The following ROBO2 variants were observed in gnomAD, a reference collection of about 807,000 sequenced individuals.
The protein encoded by ROBO2 is roundabout homolog 2.
Under a neutral mutation model 160.8 loss-of-function variants are expected in ROBO2, and 53 were observed. The ratio of observed to expected loss-of-function variants is 0.33; its 90% CI spans 0.26 to 0.41. ROBO2 has a LOEUF of 0.41. Among genes scored for constraint, ROBO2 ranks in the 10% least tolerant of loss-of-function variants. The pLI is 1.00. For synonymous variants in ROBO2, 664 were observed against 611.7 expected (o/e 1.09, Z -1.26); for missense variants, 1,577 against 1,722.4 (o/e 0.92, Z 1.49).
At chr3:76,246,111 T>A (rs185530445) in intron 2 of ROBO2, among the ~76,000 whole-genome samples, 4,844 of 152,262 alleles carry the variant, frequency 0.032, 87 homozygotes, top group South Asian at 0.078. Flanking sequence ...TATGTGTATT[T>A]TGTTAGTGAA....
At chr3:76,234,729 C>T (rs1704835421) in intron 2 of ROBO2, among the ~76,000 whole-genome samples, 1 of 152,146 alleles carries the variant, frequency 6.6e-6, no homozygotes, top group Admixed American at 6.5e-5. Flanking sequence ...TGTATATTTG[C>T]CTTTACTACC....
intron 2 of ROBO2, among the ~76,000 whole-genome samples, chr3:76,663,686 T>A (rs2091913271): frequency 6.6e-6 from 1 of 152,010 alleles, no homozygotes; most frequent in African/African-American, 2.4e-5. Flanking sequence ...AGACTCCAAG[T>A]GGAAGTGGAA....
At chr3:76,294,552 G>A (rs2107714898) in intron 2 of ROBO2, among the ~76,000 whole-genome samples, 1 of 152,196 alleles carries the variant, frequency 6.6e-6, no homozygotes, top group African/African-American at 2.4e-5. Context: ...TTTCTGTGAC[G>A]TTTGTGCTTT....
At chr3:76,830,726 C>T (rs941260402) in intron 2 of ROBO2, among the ~76,000 whole-genome samples, 1 of 151,072 alleles carries the variant, frequency 6.6e-6, no homozygotes, top group Non-Finnish European at 1.5e-5. Flanking sequence ...CTTGTAATCC[C>T]AGCATCTCGG....
In ROBO2 at chr3:77,295,513, A is replaced by T. The variant is rs1462174782; in HGVS notation, c.389-181901A>T. 2.0e-5 allele frequency among the ~76,000 whole-genome samples: 3 copies of T among 150,758 alleles called. No individual in the cohort carries two copies. The East Asian group carries it at 5.9e-4, about 30-fold the overall frequency. On this transcript the variant is annotated intron_variant, in intron 2 of 25. Transcript: ENST00000461745. ...GCTAGATCACCCCAGACATAAAGTA[A>T]ATTGACGGTTAAATGGGTAAGCTGA...
At chr3:77,431,043 A>ATTCT (rs1477919059) in intron 2 of ROBO2, among the ~76,000 whole-genome samples, 2 of 152,232 alleles carry the variant, frequency 1.3e-5, no homozygotes, top group African/African-American at 2.4e-5. Context: ...TCATCCTGAT[A>ATTCT]TTAATTACAT....
chr3:76,604,389 A>C lies in ROBO2; in HGVS notation c.110-493625A>C, dbSNP rs193039620. Reference sequence around the variant, plus strand: ...ATAAATCATAACCTTAAGACAGCCAAGTGGTGATCTTATGTGTGAATATCT... The same window carrying C: ...ATAAATCATAACCTTAAGACAGCCACGTGGTGATCTTATGTGTGAATATCT... On this transcript the variant is annotated intron_variant, in intron 2 of 26. Coordinates refer to the ROBO2 transcript ENST00000487694. Among the ~76,000 whole-genome samples, 254 of 152,276 alleles carry C rather than the reference A, an allele frequency of 1.7e-3. 1 individual carries two copies. The Middle Eastern group carries it at 0.02, about 12-fold the overall frequency.
intron 2 of ROBO2, among the ~76,000 whole-genome samples, chr3:76,525,129 AT>A (rs2081880284): frequency 6.6e-6 from 1 of 151,766 alleles, no homozygotes; most frequent in African/African-American, 2.4e-5. Context: ...TATTTTACCC[AT>A]TTTTTAAAAT....
chr3:76,528,842 T>C (rs925783354), intron 2 of ROBO2, among the ~76,000 whole-genome samples: 3 of 151,996 alleles, frequency 2.0e-5, no homozygotes, highest in African/African-American at 7.2e-5. Flanking sequence ...CAACTGGAGA[T>C]ACTAAGATGC....
At position 76,304,751 on chromosome 3, in the gene ROBO2, T is replaced by TTTCC. The variant is rs1559737134; in HGVS notation, c.109+367152_109+367153insCTTC. On this transcript the variant is annotated intron_variant, in intron 2 of 26. Transcript: ENST00000487694. ...TTCTTTCTTTTCTTTTCTTTCCTTC[T>TTTCC]TTCTTTCTTTCTTTCTTTCTTTCTT... Among the ~76,000 whole-genome samples the TTTCC allele has an allele frequency of 4.9e-5, 4 of 82,418 alleles. No homozygotes were observed. The South Asian group carries it at 1.2e-3, about 24-fold the overall frequency. 54.1% of individuals were successfully genotyped at this position (82,418 alleles called of 152,430 possible). A position where few individuals can be genotyped will look rare whatever the true frequency, so the allele number is the denominator to read the frequency against.
At chr3:77,626,761 G>T (rs1301026552) in intron 23 of ROBO2, among the ~76,000 whole-genome samples, 1 of 152,174 alleles carries the variant, frequency 6.6e-6, no homozygotes, top group Non-Finnish European at 1.5e-5. Context: ...GGAAGACTGA[G>T]ATTGTGTGCT....
intron 2 of ROBO2, among the ~76,000 whole-genome samples, chr3:76,553,014 TG>T (rs2083504192): frequency 6.6e-6 from 1 of 152,128 alleles, no homozygotes; most frequent in Non-Finnish European, 1.5e-5. Flanking sequence ...GTTTGGTGAA[TG>T]GATGGGTAAG....
rs186645999 is a variant in ROBO2, at chr3:77,111,675, C to A, written c.388+13335C>A. ...TTAAGGATAGATTTTATTTCATTTT[C>A]TTTTTTAGGGGAAGGGAAAGAAAAG... On this transcript the variant is annotated intron_variant, in intron 2 of 25. Transcript: ENST00000461745. 5.0e-4 allele frequency among the ~76,000 whole-genome samples: 76 copies of A among 151,788 alleles called. No individual in the cohort carries two copies. In the East Asian group the frequency reaches 0.014, roughly 27 times the overall value.
chr3:77,180,837 A>G (rs2080710030), intron 2 of ROBO2, among the ~76,000 whole-genome samples: 1 of 152,054 alleles, frequency 6.6e-6, no homozygotes, highest in South Asian at 2.1e-4. Context: ...TATATGTGGT[A>G]TACACTTTGA....
chr3:76,560,230 G>A (rs142485924), intron 2 of ROBO2, among the ~76,000 whole-genome samples: 127 of 152,042 alleles, frequency 8.4e-4, no homozygotes, highest in Middle Eastern at 3.4e-3. Flanking sequence ...AAATTACCAC[G>A]TCTGGACACA....
At chr3:77,614,736 A>G (rs1329322734) in intron 21 of ROBO2, among the ~76,000 whole-genome samples, 1 of 149,160 alleles carries the variant, frequency 6.7e-6, no homozygotes, top group African/African-American at 2.5e-5. Context: ...CAACCAACCA[A>G]CCAACCAACC....
intron 2 of ROBO2, among the ~76,000 whole-genome samples, chr3:76,099,104 A>G (rs2069575931): frequency 6.6e-6 from 1 of 152,180 alleles, no homozygotes; most frequent in Non-Finnish European, 1.5e-5. Flanking sequence ...TTCTTTTAGG[A>G]AACCCAAGTG....
chr3:77,546,381 T>C, exon 7 of ROBO2: 1 of 1,613,326 alleles, frequency 6.2e-7, no homozygotes, highest in Admixed American at 1.7e-5. Context: ...AGATTGTTGC[T>C]CAAGGTCGAA....
chr3:77,520,614 G>GA (rs1482151116), intron 5 of ROBO2, among the ~76,000 whole-genome samples: 2 of 151,016 alleles, frequency 1.3e-5, no homozygotes, highest in Non-Finnish European at 3.0e-5. Context: ...TGTAGCTCTT[G>GA]AAAAAACTCA....
Sources: gnomAD v4.1 joint callset for allele counts (sites outside exome capture counted in the v4.1 genomes callset) on GRCh38, gnomAD v4.1.1 for gene constraint, MANE v1.5 for transcripts, NCBI Gene and HGNC (gene_info 2026-07-23, HGNC 2026-07-21) for gene names.